Variants in FRAS1 observed in about 807,000 individuals in gnomAD.
FRAS1 encodes Fraser extracellular matrix complex subunit 1, also known as extracellular matrix organizing protein FRAS1.
In FRAS1, 290 loss-of-function variants were observed where a neutral mutation model predicts 435.2. The observed-to-expected ratio is 0.67, with a 90% CI of 0.61 to 0.73. FRAS1 has a LOEUF of 0.73. Ranked by LOEUF, FRAS1 falls within the 30% of genes least tolerant of loss-of-function variation. FRAS1 has a pLI of 0.00. For synonymous variants in FRAS1, 1,800 were observed against 1,851.0 expected (o/e 0.97, Z 0.71); for missense variants, 4,860 against 5,001.5 (o/e 0.97, Z 0.85).
chr4:78,379,656 A>G (rs1731930012), intron 26 of FRAS1, 70 bp from the exon 27 acceptor site: 1 of 1,475,162 alleles, frequency 6.8e-7, no homozygotes. Context: ...AAAATAAACA[A>G]AATAAGGGGA....
intron 61 of FRAS1, among the ~76,000 whole-genome samples, chr4:78,502,699 C>T (rs1720720574): frequency 6.6e-6 from 1 of 151,910 alleles, no homozygotes; most frequent in African/African-American, 2.4e-5. Context: ...AATTGAATAC[C>T]CTTTATTTCT....
At position 78,489,032 on chromosome 4, in the gene FRAS1, G is replaced by A; in HGVS notation, c.8910G>A (p.Glu2970=). The A allele has an allele frequency of 1.9e-6, 3 of 1,613,664 alleles. No individual in the cohort carries two copies. Among genetic ancestry groups the A allele is most frequent in the Middle Eastern group, 1.7e-4 (1 of 6,056 alleles). The change falls in exon 59 of 74, where the codon GAG becomes GAA. Residue 2970 remains glutamate, a synonymous_variant. Transcript: ENST00000512123. The stretch of plus-strand genomic sequence containing the variant: ...CTCAGGTCATGGAGGACTTTGAGGA[G>A]AGACAAAATGCAGACTCTTCACGGA... ...HSAQVMEDFE[E]RQNADSSRIT...
intron 2 of FRAS1, among the ~76,000 whole-genome samples, chr4:78,191,693 C>G (rs550395930): frequency 5.9e-5 from 9 of 151,686 alleles, no homozygotes; most frequent in African/African-American, 2.2e-4. Flanking sequence ...CCTCCCCGCT[C>G]CCCCCACCCC....
At chr4:78,340,393 C>T (rs56035063) in intron 20 of FRAS1, among the ~76,000 whole-genome samples, 49,649 of 152,054 alleles carry the variant, frequency 0.33, 8,630 homozygotes, top group Admixed American at 0.39. Context: ...AGTTATTGAA[C>T]TTTCAGAGAA....
chr4:78,269,769 T>C (rs959385160), intron 9 of FRAS1, among the ~76,000 whole-genome samples: 1 of 152,220 alleles, frequency 6.6e-6, no homozygotes, highest in Non-Finnish European at 1.5e-5. Context: ...TGAACCTTAA[T>C]TCAGGTGAAG....
At chr4:78,486,261 T>G (rs1720165144) in intron 58 of FRAS1, among the ~76,000 whole-genome samples, 2 of 152,208 alleles carry the variant, frequency 1.3e-5, no homozygotes, top group Non-Finnish European at 2.9e-5. Flanking sequence ...CTAAGAAGAT[T>G]AGCGAGGTAA....
chr4:78,274,454 T>C (rs572013681), intron 9 of FRAS1, among the ~76,000 whole-genome samples: 2 of 152,244 alleles, frequency 1.3e-5, no homozygotes, highest in Non-Finnish European at 1.5e-5. Context: ...GGGCATTTAG[T>C]GCTATAAATT....
intron 28 of FRAS1, among the ~76,000 whole-genome samples, chr4:78,386,404 C>A (rs1732219707): frequency 6.6e-6 from 1 of 152,164 alleles, no homozygotes; most frequent in South Asian, 2.1e-4. Flanking sequence ...AGAATCACAG[C>A]TGTAGAATTC....
At chr4:78,180,665 A>T (rs1366624586) in intron 2 of FRAS1, among the ~76,000 whole-genome samples, 1 of 152,244 alleles carries the variant, frequency 6.6e-6, no homozygotes. Context: ...ATTTCTAAAT[A>T]CAAAACTGAC....
At chr4:78,464,329 A>G (rs560163767) in intron 48 of FRAS1, 114 bp from the exon 49 acceptor site, 1 of 1,473,182 alleles carries the variant, frequency 6.8e-7, no homozygotes, top group Non-Finnish European at 9.3e-7. Flanking sequence ...GGGGCTCCTA[A>G]TTATTGACTT....
At chr4:78,305,211 A>T (rs1244000334) in intron 14 of FRAS1, among the ~76,000 whole-genome samples, 1 of 151,908 alleles carries the variant, frequency 6.6e-6, no homozygotes, top group Non-Finnish European at 1.5e-5. Context: ...GTTTGATTGC[A>T]CTGTGGTCTG....
intron 4 of FRAS1, among the ~76,000 whole-genome samples, chr4:78,250,271 G>A (rs1725473946): frequency 6.6e-6 from 1 of 152,088 alleles, no homozygotes; most frequent in African/African-American, 2.4e-5. Flanking sequence ...GGAGGGGTTG[G>A]CAGTGGAGAT....
At chr4:78,276,775 A>C (rs1727063330) in intron 9 of FRAS1, among the ~76,000 whole-genome samples, 1 of 152,186 alleles carries the variant, frequency 6.6e-6, no homozygotes, top group African/African-American at 2.4e-5. Context: ...GACCCACTTG[A>C]GGAGGCAGTC....
At chr4:78,503,889 T>A (rs1262134224) in intron 61 of FRAS1, among the ~76,000 whole-genome samples, 3 of 152,252 alleles carry the variant, frequency 2.0e-5, no homozygotes, top group African/African-American at 7.2e-5. Flanking sequence ...GCTTTAAATG[T>A]GTCCCAGAGA....
In FRAS1 at chr4:78,472,366, T is replaced by C. The variant is rs528961248; in HGVS notation, c.7522+36T>C. 3.2e-5 allele frequency: 50 copies of C among 1,543,066 alleles called. No homozygotes were observed. The South Asian group carries it at 5.8e-4, about 18-fold the overall frequency. ...TCTGGGAACTTAGAAATGGGAGAAA[T>C]CTATGCTAATGTCACACTGCCTATC... On this transcript the variant is annotated intron_variant, in intron 52 of 73. Transcript: ENST00000512123.
intron 2 of FRAS1, among the ~76,000 whole-genome samples, chr4:78,121,061 C>G (rs151155924): frequency 1.3e-5 from 2 of 152,246 alleles, no homozygotes; most frequent in Non-Finnish European, 2.9e-5. Context: ...TCTGGGCTAC[C>G]AGGTCTCTCT....
intron 6 of FRAS1, 85 bp from the exon 7 acceptor site, chr4:78,264,940 A>T: frequency 1.3e-6 from 1 of 782,570 alleles, no homozygotes; most frequent in Non-Finnish European, 2.2e-6. Flanking sequence ...GGCATGATTT[A>T]GTTGGCTGTG....
At chr4:78,157,638 T>C (rs1294041067) in intron 2 of FRAS1, among the ~76,000 whole-genome samples, 1 of 152,246 alleles carries the variant, frequency 6.6e-6, no homozygotes, top group Non-Finnish European at 1.5e-5. Flanking sequence ...ACTGTTCATG[T>C]CATTTGCCCA....
At chr4:78,193,686 C>T (rs888643149) in intron 2 of FRAS1, among the ~76,000 whole-genome samples, 72 of 152,270 alleles carry the variant, frequency 4.7e-4, no homozygotes, top group Non-Finnish European at 7.2e-4. Context: ...AGATGGGTTA[C>T]CTGAATACAG....
Sources: gnomAD v4.1 joint callset for allele counts (sites outside exome capture counted in the v4.1 genomes callset) on GRCh38, gnomAD v4.1.1 for gene constraint, MANE v1.5 for transcripts, NCBI Gene and HGNC (gene_info 2026-07-23, HGNC 2026-07-21) for gene names.